The following CCDC91 variants were observed in gnomAD, a reference collection of about 807,000 sequenced individuals.
CCDC91 encodes the protein coiled-coil domain containing 91.
In CCDC91, 48 loss-of-function variants were observed where a neutral mutation model predicts 63.2. That is an observed-to-expected ratio of 0.76 (90% CI 0.60 to 0.97). The LOEUF (loss-of-function observed/expected upper bound fraction) is 0.97, where lower values mean the gene tolerates loss of function less well. Ranked by LOEUF, CCDC91 falls within the 50% of genes least tolerant of loss-of-function variation. The pLI is 0.00. For synonymous variants in CCDC91, 167 were observed against 165.8 expected (o/e 1.01, Z -0.06); for missense variants, 500 against 494.6 (o/e 1.01, Z -0.10).
chr12:28,194,588 G>C (rs1189185150), intron 1 of CCDC91, among the ~76,000 whole-genome samples: 2 of 151,898 alleles, frequency 1.3e-5, no homozygotes, highest in African/African-American at 4.9e-5. Context: ...CATTCCTCCT[G>C]GTGGGTTTGT....
intron 3 of CCDC91, among the ~76,000 whole-genome samples, chr12:28,286,143 C>G (rs1294956362): frequency 2.6e-5 from 4 of 151,930 alleles, no homozygotes; most frequent in African/African-American, 4.8e-5. Flanking sequence ...GTATTTTAAA[C>G]TTCCAATAAA....
intron 1 of CCDC91, among the ~76,000 whole-genome samples, chr12:28,250,792 AT>A (rs1337412692): frequency 6.6e-6 from 1 of 152,136 alleles, no homozygotes; most frequent in African/African-American, 2.4e-5. Flanking sequence ...AAAAAGATGA[AT>A]AAAGAAAGGA....
At chr12:28,304,411 AAAAAG>A (rs1938474388) in intron 3 of CCDC91, among the ~76,000 whole-genome samples, 1 of 141,720 alleles carries the variant, frequency 7.1e-6, no homozygotes, top group African/African-American at 2.5e-5. Context: ...AGAAAAAAAA[AAAAAG>A]AAAAAAAGAA....
chr12:28,248,814 G>A (rs1251901885), intron 1 of CCDC91, among the ~76,000 whole-genome samples: 2 of 152,166 alleles, frequency 1.3e-5, no homozygotes, highest in Non-Finnish European at 1.5e-5. Context: ...AGGGCTTGGA[G>A]CATGTTTCAT....
intron 6 of CCDC91, among the ~76,000 whole-genome samples, chr12:28,337,656 C>T (rs1942091250): frequency 6.6e-6 from 1 of 151,926 alleles, no homozygotes. Context: ...ATCTCATACT[C>T]ATCTATTGAT....
chr12:28,360,887 G>GA (rs2138529777), intron 6 of CCDC91, among the ~76,000 whole-genome samples: 1 of 151,992 alleles, frequency 6.6e-6, no homozygotes, highest in Admixed American at 6.5e-5. Context: ...TGTGTCTGGA[G>GA]AATTTTTTGT....
intron 6 of CCDC91, among the ~76,000 whole-genome samples, chr12:28,331,652 G>A (rs1437639895): frequency 2.6e-5 from 4 of 152,110 alleles, no homozygotes; most frequent in Non-Finnish European, 5.9e-5. Context: ...CTGTTTTTGT[G>A]CAGTTATATT....
At chr12:28,361,510 A>G (rs1046145471) in intron 6 of CCDC91, among the ~76,000 whole-genome samples, 13 of 151,684 alleles carry the variant, frequency 8.6e-5, no homozygotes, top group Non-Finnish European at 1.2e-4. Context: ...TCTGTCCTAT[A>G]TGTCTTTTAA....
chr12:28,193,046 A>T (rs1941403221), intron 1 of CCDC91, among the ~76,000 whole-genome samples: 1 of 152,222 alleles, frequency 6.6e-6, no homozygotes, highest in Non-Finnish European at 1.5e-5. Context: ...GCTTTGATTC[A>T]TCCATGTTGA....
chr12:28,341,873 A>T (rs1942449818), intron 6 of CCDC91, among the ~76,000 whole-genome samples: 1 of 152,240 alleles, frequency 6.6e-6, no homozygotes, highest in African/African-American at 2.4e-5. Context: ...GTTATCTAAA[A>T]TCAGGACTAA....
At chr12:28,506,054 C>G (rs1273983492) in intron 12 of CCDC91, among the ~76,000 whole-genome samples, 1 of 151,904 alleles carries the variant, frequency 6.6e-6, no homozygotes, top group Non-Finnish European at 1.5e-5. Flanking sequence ...ATTACTAAGT[C>G]TTATTTGTAT....
intron 3 of CCDC91, among the ~76,000 whole-genome samples, chr12:28,286,792 C>T (rs182836037): frequency 8.5e-5 from 13 of 152,248 alleles, no homozygotes; most frequent in South Asian, 2.1e-4. Context: ...TGCCACACAG[C>T]GTTTCCACAG....
intron 1 of CCDC91, among the ~76,000 whole-genome samples, chr12:28,235,841 T>C (rs1040522400): frequency 2.0e-5 from 3 of 152,102 alleles, no homozygotes; most frequent in Non-Finnish European, 4.4e-5. Flanking sequence ...AGTGTTATTT[T>C]TGTGTATGAG....
At chr12:28,396,379 A>G (rs1309356309) in intron 8 of CCDC91, among the ~76,000 whole-genome samples, 2 of 152,196 alleles carry the variant, frequency 1.3e-5, no homozygotes, top group African/African-American at 4.8e-5. Context: ...GGGATTATCT[A>G]GAGAAGTGAC....
intron 12 of CCDC91, among the ~76,000 whole-genome samples, chr12:28,525,337 A>G (rs1423198086): frequency 5.3e-5 from 8 of 152,024 alleles, no homozygotes; most frequent in Admixed American, 4.6e-4. Context: ...TTTAATTTCC[A>G]TCATGATTTC....
At chr12:28,370,707 A>G (rs1944564792) in intron 7 of CCDC91, among the ~76,000 whole-genome samples, 1 of 152,232 alleles carries the variant, frequency 6.6e-6, no homozygotes, top group Non-Finnish European at 1.5e-5. Context: ...TGGGTAATTT[A>G]TAAAGACAAG....
intron 1 of CCDC91, among the ~76,000 whole-genome samples, chr12:28,253,509 C>CTCTTAATTTTGAG (rs1273544025): frequency 3.9e-5 from 6 of 152,326 alleles, no homozygotes; most frequent in African/African-American, 1.4e-4. Context: ...ATACCTATGA[C>CTCTTAATTTTGAG]TCTTAATTTT....
intron 6 of CCDC91, among the ~76,000 whole-genome samples, chr12:28,350,231 CAGT>C (rs1179326280): frequency 2.5e-4 from 38 of 152,162 alleles, no homozygotes; most frequent in Admixed American, 4.6e-4. Flanking sequence ...GTGGCAGCAA[CAGT>C]AGGTACCTAT....
intron 1 of CCDC91, among the ~76,000 whole-genome samples, chr12:28,231,660 T>A (rs1435175723): frequency 6.6e-6 from 1 of 152,050 alleles, no homozygotes; most frequent in African/African-American, 2.4e-5. Context: ...CACATGTTTT[T>A]ACCCCCTCCT....
Sources: gnomAD v4.1 joint callset for allele counts (sites outside exome capture counted in the v4.1 genomes callset) on GRCh38, gnomAD v4.1.1 for gene constraint, MANE v1.5 for transcripts, NCBI Gene and HGNC (gene_info 2026-07-23, HGNC 2026-07-21) for gene names.